WDR59: variants seen among roughly 807,000 people sequenced by gnomAD.
The protein encoded by WDR59 is GATOR2 complex protein WDR59.
Under a neutral mutation model 131.2 loss-of-function variants are expected in WDR59, and 100 were observed. That is an observed-to-expected ratio of 0.76 (90% confidence interval 0.65 to 0.90). WDR59 has a LOEUF of 0.90. Ranked by LOEUF, WDR59 falls within the 40% of genes least tolerant of loss-of-function variation. The pLI, the probability that WDR59 is intolerant of heterozygous loss-of-function variation, is 0.00. For synonymous variants in WDR59, 601 were observed against 466.2 expected, an observed-to-expected ratio of 1.29 and a Z score of -3.72; for missense variants, 1,203 against 1,262.2, an observed-to-expected ratio of 0.95 and a Z score of 0.71.
chr16:74,918,422 T>A (rs1250378278), intron 10 of WDR59, among the ~76,000 whole-genome samples: 5 of 152,236 alleles, frequency 3.3e-5, no homozygotes, highest in Admixed American at 1.3e-4. Context: ...CCTCTGCAAA[T>A]GTTCGTCCTT....
intron 17 of WDR59, among the ~76,000 whole-genome samples, chr16:74,906,317 A>AAAAAAAAAAAAAAAAAAAAAAC (rs1269848287): frequency 2.1e-5 from 3 of 144,244 alleles, no homozygotes; most frequent in African/African-American, 7.5e-5. Flanking sequence ...CCGTCTCAAA[A>AAAAAAAAAAAAAAAAAAAAAAC]AAAAAAAAAC....
intron 8 of WDR59, among the ~76,000 whole-genome samples, chr16:74,926,250 G>A (rs920653850): frequency 2.0e-5 from 3 of 151,848 alleles, no homozygotes; most frequent in South Asian, 4.2e-4. Context: ...TAGTAGAGAC[G>A]GGGTTTCACC....
At chr16:74,925,402 G>A (rs766821184) in intron 8 of WDR59, among the ~76,000 whole-genome samples, 1 of 151,978 alleles carries the variant, frequency 6.6e-6, no homozygotes, top group Non-Finnish European at 1.5e-5. Context: ...AAATTAGCTG[G>A]GCATGGTGGC....
intron 6 of WDR59, among the ~76,000 whole-genome samples, chr16:74,944,546 G>A (rs1448086896): frequency 1.3e-5 from 2 of 151,588 alleles, no homozygotes; most frequent in East Asian, 1.9e-4. Context: ...AGAACACTCT[G>A]GAATACTCAC....
At chr16:74,946,297 G>A (rs2032631860) in intron 6 of WDR59, among the ~76,000 whole-genome samples, 1 of 152,148 alleles carries the variant, frequency 6.6e-6, no homozygotes, top group African/African-American at 2.4e-5. Flanking sequence ...GCATCCAATG[G>A]GGGTCTTGGA....
chr16:74,951,583 G>T, intron 3 of WDR59, 40 bp from the exon 4 acceptor site: 1 of 1,532,384 alleles, frequency 6.5e-7, no homozygotes, highest in South Asian at 1.2e-5. Context: ...AAGTATGTTG[G>T]GATATATGGT....
At chr16:74,880,057 G>C (rs1167132070) in intron 25 of WDR59, among the ~76,000 whole-genome samples, 1 of 152,132 alleles carries the variant, frequency 6.6e-6, no homozygotes, top group Non-Finnish European at 1.5e-5. Flanking sequence ...AATAAAAGAA[G>C]CTGCCTTCCT....
intron 1 of WDR59, among the ~76,000 whole-genome samples, chr16:74,976,469 G>A (rs1360938634): frequency 6.8e-6 from 1 of 146,476 alleles, no homozygotes; most frequent in Non-Finnish European, 1.5e-5. Flanking sequence ...TTGAGACGCA[G>A]CCTTACCCTG....
intron 10 of WDR59, among the ~76,000 whole-genome samples, chr16:74,921,427 C>T (rs1482395167): frequency 6.6e-6 from 1 of 152,186 alleles, no homozygotes; most frequent in African/African-American, 2.4e-5. Flanking sequence ...TTCCTAAAAA[C>T]TTTATTTCCA....
At chr16:74,980,827 C>T (rs1040129365) in intron 1 of WDR59, among the ~76,000 whole-genome samples, 4 of 150,502 alleles carry the variant, frequency 2.7e-5, no homozygotes, top group East Asian at 2.0e-4. Context: ...AAAAATTAGC[C>T]CGGTGTGGTG....
In WDR59 at chr16:74,892,566, C is replaced by A; in HGVS notation, c.2001-1G>T. 1 of 1,612,600 alleles carries A rather than the reference C, an allele frequency of 6.2e-7. No individual in the cohort carries two copies. The highest frequency in any genetic ancestry group is 8.5e-7 in the Non-Finnish European group (1 of 1,179,342). ...TTCCTGAATATCATTCACATTCAAT[C>A]TGAAATTTTTTAAAAAGAATTAAAC... On this transcript the variant is annotated splice_acceptor_variant, in intron 19 of 25. Coordinates refer to ENST00000262144, the MANE Select transcript of WDR59 (RefSeq NM_030581.4). LOFTEE classifies it high-confidence loss of function.
chr16:74,886,088 G>C (rs555710643), intron 24 of WDR59, 182 bp downstream of exon 24: 6 of 785,770 alleles, frequency 7.6e-6, no homozygotes, highest in Non-Finnish European at 1.2e-5. Flanking sequence ...TGAGGCAGGA[G>C]AATCACTTGA....
At chr16:74,942,956 G>A in intron 6 of WDR59, 130 bp from the exon 7 acceptor site, 1 of 721,480 alleles carries the variant, frequency 1.4e-6, no homozygotes, top group Non-Finnish European at 2.3e-6. Flanking sequence ...TTCTGTGACT[G>A]CACCAACTCC....
chr16:74,907,408 T>G (rs959074564), intron 17 of WDR59, among the ~76,000 whole-genome samples: 2 of 152,206 alleles, frequency 1.3e-5, no homozygotes, highest in Non-Finnish European at 1.5e-5. Context: ...TGAGTTCTCA[T>G]GAGATTTGAT....
intron 17 of WDR59, among the ~76,000 whole-genome samples, chr16:74,905,711 A>T (rs1380589410): frequency 6.6e-6 from 1 of 151,322 alleles, no homozygotes; most frequent in Non-Finnish European, 1.5e-5. Flanking sequence ...TAAAAAATAA[A>T]AAAATAAAAT....
At chr16:74,911,755 T>C (rs1966105027) in intron 14 of WDR59, among the ~76,000 whole-genome samples, 1 of 152,342 alleles carries the variant, frequency 6.6e-6, no homozygotes, top group Non-Finnish European at 1.5e-5. Context: ...GAATACATCT[T>C]GCTTGTTGTT....
intron 1 of WDR59, among the ~76,000 whole-genome samples, chr16:74,970,765 G>A (rs1176151083): frequency 6.6e-6 from 1 of 151,990 alleles, no homozygotes; most frequent in Non-Finnish European, 1.5e-5. Flanking sequence ...ATGAAAGATG[G>A]TTGCAGCTGG....
Position 74,874,042 on chromosome 16 carries a change from A to T in WDR59, c.*167T>A. On this transcript the variant is annotated 3_prime_UTR_variant, in exon 26 of 26. Transcript: ENST00000262144. ...TCCACACCAGGTGGCCAAACAGAAG[A>T]GAAGGCAGAGGCCCACCAAGAGCTG... The T allele has an allele frequency of 1.6e-6, 1 of 616,142 alleles. No individual in the cohort carries two copies. The highest frequency in any genetic ancestry group is 2.8e-6 in the Non-Finnish European group (1 of 352,022). 38.2% of individuals were successfully genotyped at this position (616,142 alleles called of 1,614,324 possible). A position where few individuals can be genotyped will look rare whatever the true frequency, so the allele number is the denominator to read the frequency against.
chr16:74,945,292 C>G (rs533329288), intron 6 of WDR59, among the ~76,000 whole-genome samples: 14 of 151,218 alleles, frequency 9.3e-5, no homozygotes, highest in Non-Finnish European at 1.3e-4. Context: ...CTGGCTAACA[C>G]AGTGAAACCC....
Sources: gnomAD v4.1 joint callset for allele counts (sites outside exome capture counted in the v4.1 genomes callset) on GRCh38, gnomAD v4.1.1 for gene constraint, MANE v1.5 for transcripts, NCBI Gene and HGNC (gene_info 2026-07-23, HGNC 2026-07-21) for gene names.